The following SEMA5A variants were observed in gnomAD, a reference collection of about 807,000 sequenced individuals.
SEMA5A encodes the protein semaphorin-5A.
A neutral mutation model predicts 135.5 loss-of-function variants in SEMA5A; 55 were observed. The observed-to-expected ratio is 0.41, with a 90% CI of 0.33 to 0.51. The LOEUF is 0.51. SEMA5A is among the 20% of genes least tolerant of loss of function. The pLI is 0.37. For synonymous variants in SEMA5A, 580 were observed against 546.5 expected (o/e 1.06, Z -0.85); for missense variants, 1,290 against 1,419.9 (o/e 0.91, Z 1.47).
intron 5 of SEMA5A, among the ~76,000 whole-genome samples, chr5:9,311,330 G>A (rs1199464838): frequency 2.6e-5 from 4 of 151,930 alleles, no homozygotes; most frequent in Admixed American, 6.6e-5. Context: ...ATTGACTCAC[G>A]TTGAAACTCA....
chr5:9,401,100 T>G (rs566700472), intron 2 of SEMA5A, among the ~76,000 whole-genome samples: 1 of 152,100 alleles, frequency 6.6e-6, no homozygotes, highest in African/African-American at 2.4e-5. Flanking sequence ...ATTTCCATTC[T>G]TTTCCCAGAA....
chr5:9,335,563 G>A (rs1005569126), intron 4 of SEMA5A, among the ~76,000 whole-genome samples: 1 of 152,168 alleles, frequency 6.6e-6, no homozygotes, highest in African/African-American at 2.4e-5. Flanking sequence ...AAGTTCTTTA[G>A]AGATGAATGA....
intron 3 of SEMA5A, among the ~76,000 whole-genome samples, chr5:9,369,796 G>A (rs988351120): frequency 5.3e-5 from 8 of 150,418 alleles, no homozygotes; most frequent in Non-Finnish European, 1.2e-4. Flanking sequence ...AAAAAAAATG[G>A]CAGTGCAGGA....
intron 16 of SEMA5A, among the ~76,000 whole-genome samples, chr5:9,067,865 T>A (rs564471622): frequency 1.3e-5 from 2 of 152,320 alleles, no homozygotes; most frequent in Non-Finnish European, 2.9e-5. Context: ...ATCTTTTGCT[T>A]TAGTTTCTGG....
At chr5:9,476,269 C>T (rs1257619163) in intron 1 of SEMA5A, among the ~76,000 whole-genome samples, 3 of 152,000 alleles carry the variant, frequency 2.0e-5, no homozygotes, top group Non-Finnish European at 4.4e-5. Context: ...GAAGTGGAAG[C>T]ATCAGATCAA....
At chr5:9,160,621 T>C (rs930772995) in intron 11 of SEMA5A, among the ~76,000 whole-genome samples, 2 of 150,406 alleles carry the variant, frequency 1.3e-5, no homozygotes, top group Non-Finnish European at 3.0e-5. Context: ...GATCACTACA[T>C]TGTAGGTCTA....
intron 3 of SEMA5A, among the ~76,000 whole-genome samples, chr5:9,373,783 T>C (rs1449800576): frequency 1.3e-5 from 2 of 152,208 alleles, no homozygotes; most frequent in Non-Finnish European, 2.9e-5. Flanking sequence ...AAGTACAGCA[T>C]GACTCACATC....
chr5:9,502,692 G>T (rs554484037), intron 1 of SEMA5A, among the ~76,000 whole-genome samples: 89 of 152,150 alleles, frequency 5.8e-4, no homozygotes, highest in Non-Finnish European at 9.6e-4. Flanking sequence ...CATAGTGGGA[G>T]GCCTTTAGCA....
intron 5 of SEMA5A, among the ~76,000 whole-genome samples, chr5:9,310,476 C>A (rs1752075999): frequency 6.6e-6 from 1 of 151,980 alleles, no homozygotes; most frequent in Non-Finnish European, 1.5e-5. Flanking sequence ...AGCTCAGAAT[C>A]ATGATTTTTG....
intron 5 of SEMA5A, among the ~76,000 whole-genome samples, chr5:9,266,295 T>C (rs1299996850): frequency 6.6e-6 from 1 of 151,938 alleles, no homozygotes; most frequent in Non-Finnish European, 1.5e-5. Flanking sequence ...AGTGAGCTTC[T>C]GTGCTAAGTA....
At chr5:9,180,428 G>C (rs1744440261) in intron 11 of SEMA5A, among the ~76,000 whole-genome samples, 1 of 152,076 alleles carries the variant, frequency 6.6e-6, no homozygotes, top group Non-Finnish European at 1.5e-5. Flanking sequence ...CTTACATAAA[G>C]AAGCACACGT....
intron 1 of SEMA5A, among the ~76,000 whole-genome samples, chr5:9,446,691 A>T (rs1421639978): frequency 6.6e-6 from 1 of 152,252 alleles, no homozygotes; most frequent in Non-Finnish European, 1.5e-5. Flanking sequence ...AGAACTACAC[A>T]GCCAACAAGA....
At chr5:9,293,002 G>A (rs551176551) in intron 5 of SEMA5A, among the ~76,000 whole-genome samples, 27 of 152,260 alleles carry the variant, frequency 1.8e-4, no homozygotes, top group African/African-American at 5.8e-4. Flanking sequence ...AAACGTGATC[G>A]AGGCGTTTCT....
chr5:9,265,615 C>T, intron 5 of SEMA5A: 1 of 448,844 alleles, frequency 2.2e-6, no homozygotes, highest in South Asian at 1.6e-5. Flanking sequence ...GTTCAGCTAT[C>T]CCCATAACTC....
intron 5 of SEMA5A, 82 bp downstream of exon 5, chr5:9,318,290 A>G: frequency 7.4e-7 from 1 of 1,353,768 alleles, no homozygotes; most frequent in East Asian, 2.3e-5. Context: ...TAACACCTTT[A>G]CATGCATCTG....
intron 2 of SEMA5A, among the ~76,000 whole-genome samples, chr5:9,430,805 C>A (rs1579528558): frequency 6.6e-6 from 1 of 151,326 alleles, no homozygotes; most frequent in Non-Finnish European, 1.5e-5. Flanking sequence ...TGGAGGACAA[C>A]AAGTACAGGC....
At chr5:9,534,750 G>A (rs546024969) in intron 1 of SEMA5A, among the ~76,000 whole-genome samples, 10 of 152,296 alleles carry the variant, frequency 6.6e-5, no homozygotes, top group East Asian at 3.9e-4. Flanking sequence ...AGCATGGGGC[G>A]GGGGTTGTTT....
intron 5 of SEMA5A, among the ~76,000 whole-genome samples, chr5:9,279,554 G>T (rs1311739152): frequency 6.6e-6 from 1 of 152,122 alleles, no homozygotes; most frequent in East Asian, 1.9e-4. Flanking sequence ...GGGGCAGAAT[G>T]ATATGGCTTA....
intron 11 of SEMA5A, among the ~76,000 whole-genome samples, chr5:9,185,161 C>T (rs1197359945): frequency 1.3e-5 from 2 of 152,146 alleles, no homozygotes; most frequent in Non-Finnish European, 2.9e-5. Flanking sequence ...CTTCTAGCCT[C>T]GAGTGATTCT....
Sources: allele counts gnomAD v4.1 joint callset (sites outside exome capture counted in the v4.1 genomes callset), GRCh38; gene constraint gnomAD v4.1.1; transcripts MANE v1.5; gene names NCBI Gene and HGNC (gene_info 2026-07-23, HGNC 2026-07-21).